MYRFL: variants seen among roughly 807,000 people sequenced by gnomAD.
The protein encoded by MYRFL is myelin regulatory factor-like protein.
In MYRFL, 88 loss-of-function variants were observed where a neutral mutation model predicts 109.4. That is an observed-to-expected ratio of 0.80 (90% CI 0.68 to 0.96). The LOEUF is 0.96. MYRFL is among the 40% of genes least tolerant of loss of function. MYRFL has a pLI of 0.00. For synonymous variants in MYRFL, 324 were observed against 320.9 expected (o/e 1.01, Z -0.10); for missense variants, 957 against 954.9 (o/e 1.00, Z -0.03).
intron 19 of MYRFL, among the ~76,000 whole-genome samples, chr12:69,942,813 A>C (rs1354849932): frequency 2.0e-5 from 3 of 151,866 alleles, no homozygotes; most frequent in Non-Finnish European, 2.9e-5. Context: ...AAATCTCCTT[A>C]AGCTGATAAG....
chr12:69,926,450 A>G (rs543234865), intron 13 of MYRFL, 121 bp from the exon 14 acceptor site: 1 of 736,782 alleles, frequency 1.4e-6, no homozygotes, highest in East Asian at 3.3e-5. Context: ...GAACTTGAAG[A>G]TGTGTGTGTC....
rs879378774 is a variant in MYRFL at position 69,861,954 on chromosome 12, G to T, written c.137+6584G>T. Among the ~76,000 whole-genome samples the T allele has an allele frequency of 7.8e-3, 1,178 of 151,144 alleles. 4 individuals carry two copies. The highest frequency in any genetic ancestry group is 0.012 in the Non-Finnish European group (816 of 67,320). ...GGTATAAGGAAGGGATCCAGTTTCA[G>T]CTTTCTACATATGGCTAGCCAGTTT... is the stretch of plus-strand genomic sequence containing the variant. On this transcript the variant is annotated intron_variant, in intron 2 of 24. Transcript: ENST00000552032.
intron 19 of MYRFL, among the ~76,000 whole-genome samples, chr12:69,944,697 A>G (rs1248414157): frequency 2.0e-5 from 3 of 152,094 alleles, no homozygotes; most frequent in African/African-American, 7.2e-5. Flanking sequence ...TAAAAGAAAA[A>G]AAAAGAAAAG....
At chr12:69,874,400 G>A (rs1345430081) in intron 2 of MYRFL, among the ~76,000 whole-genome samples, 1 of 152,112 alleles carries the variant, frequency 6.6e-6, no homozygotes, top group Non-Finnish European at 1.5e-5. Flanking sequence ...CTAGTCTTAA[G>A]CTCCTGGTCT....
chr12:69,849,679 G>C (rs951686617), intron 1 of MYRFL, among the ~76,000 whole-genome samples: 2 of 152,094 alleles, frequency 1.3e-5, no homozygotes, highest in African/African-American at 4.8e-5. Flanking sequence ...TTATTCCAGG[G>C]CTATTTGTCA....
intron 19 of MYRFL, among the ~76,000 whole-genome samples, chr12:69,942,608 C>T (rs1159483978): frequency 2.0e-5 from 3 of 149,142 alleles, no homozygotes; most frequent in Admixed American, 6.7e-5. Context: ...TGGAAGCATT[C>T]CCTTTGAAAA....
At chr12:69,875,004 A>G (rs1294899660) in intron 2 of MYRFL, among the ~76,000 whole-genome samples, 6 of 151,080 alleles carry the variant, frequency 4.0e-5, no homozygotes, top group African/African-American at 1.4e-4. Context: ...ATATACATTT[A>G]TATCTTTAAG....
At chr12:69,834,920 T>A (rs1468445339) in intron 1 of MYRFL, among the ~76,000 whole-genome samples, 1 of 152,206 alleles carries the variant, frequency 6.6e-6, no homozygotes, top group East Asian at 1.9e-4. Flanking sequence ...TTAATATATT[T>A]CCAAGATTTA....
intron 4 of MYRFL, among the ~76,000 whole-genome samples, chr12:69,879,995 T>C (rs1885962228): frequency 6.6e-6 from 1 of 152,224 alleles, no homozygotes; most frequent in Admixed American, 6.5e-5. Context: ...TCTGCCATTA[T>C]AAACATTGTC....
rs573249792 is a variant in MYRFL at position 69,928,381 on chromosome 12, A to G, written c.1830+633A>G. Among the ~76,000 whole-genome samples the G allele has an allele frequency of 2.6e-5, 4 of 152,366 alleles. No homozygotes were observed. The Middle Eastern group carries it at 0.014, about 518-fold the overall frequency. ...TTCTAGCAGCACTTTGTAAGTAGCT[A>G]CAAAACTCAGCTTGCTCCCTCTGAT... On this transcript the variant is annotated intron_variant, in intron 15 of 24. Coordinates refer to ENST00000552032, the MANE Select transcript of MYRFL (RefSeq NM_182530.3).
chr12:69,846,029 C>T (rs1037960830), intron 1 of MYRFL, among the ~76,000 whole-genome samples: 1 of 150,726 alleles, frequency 6.6e-6, no homozygotes, highest in Admixed American at 6.6e-5. Flanking sequence ...TGGCTCTCCT[C>T]TGCATTCAGC....
intron 21 of MYRFL, among the ~76,000 whole-genome samples, chr12:69,954,858 C>T (rs1956059441): frequency 6.6e-6 from 1 of 152,206 alleles, no homozygotes; most frequent in South Asian, 2.1e-4. Flanking sequence ...TTCTCCATTA[C>T]TAAATGGTAA....
Position 69,903,804 on chromosome 12 carries a change from T to G in MYRFL, c.1343T>G (p.Met448Arg). 2 of 1,535,132 alleles carry G rather than the reference T, an allele frequency of 1.3e-6. No individual in the cohort carries two copies. The highest frequency in any genetic ancestry group is 2.4e-5 in the East Asian group (1 of 40,878). The change falls in exon 11 of 25, where the codon ATG becomes AGG. Residue 448 changes from methionine (M) to arginine (R), a missense_variant. Transcript: ENST00000552032. ...AACATGAAAGTGATGGGGACCATCA[T>G]GCATCCCTCTGACAGCCGGGCAAAG... ...CGNMKVMGTI[M>R]HPSDSRAKQN...
chr12:69,890,453 C>T (rs1034152301), intron 6 of MYRFL, among the ~76,000 whole-genome samples: 8 of 152,110 alleles, frequency 5.3e-5, no homozygotes, highest in African/African-American at 1.9e-4. Flanking sequence ...TACTTCTGGC[C>T]GGGTGTGGTA....
intron 2 of MYRFL, among the ~76,000 whole-genome samples, chr12:69,869,770 G>A (rs1293984278): frequency 6.6e-6 from 1 of 152,176 alleles, no homozygotes; most frequent in Non-Finnish European, 1.5e-5. Flanking sequence ...AAGACACACT[G>A]TGTATGTGTC....
intron 14 of MYRFL, 119 bp downstream of exon 14, chr12:69,926,853 G>T (rs1419585970): frequency 2.8e-5 from 24 of 868,538 alleles, no homozygotes; most frequent in Non-Finnish European, 3.6e-5. Context: ...TTCTGATAAT[G>T]AAGTCTGCAT....
rs1955453711 is a variant in MYRFL at position 69,936,107 on chromosome 12, T to G, written c.1917-6T>G. The G allele has an allele frequency of 2.4e-5, 18 of 739,140 alleles. No individual in the cohort carries two copies. The highest frequency in any genetic ancestry group is 7.2e-5 in the Admixed American group (2 of 27,710). The allele number at this position is 739,140 out of a possible 1,614,324, so 45.8% of individuals were successfully genotyped here. On this transcript the variant is annotated splice_polypyrimidine_tract_variant and splice_region_variant and intron_variant, in intron 16 of 24. Coordinates refer to ENST00000552032, the MANE Select transcript of MYRFL (RefSeq NM_182530.3). ...TTTTTTTTTTTTTTTTTTTTTTTTT[T>G]GACAGTGCTTTGACGATAGTTGCCC... is the stretch of plus-strand genomic sequence containing the variant.
chr12:69,831,456 T>C (rs1297482988), intron 1 of MYRFL, among the ~76,000 whole-genome samples: 1 of 152,144 alleles, frequency 6.6e-6, no homozygotes, highest in Non-Finnish European at 1.5e-5. Context: ...ATGTGCTGAG[T>C]GCAGAATCAT....
intron 8 of MYRFL, among the ~76,000 whole-genome samples, chr12:69,894,742 G>A (rs1887118518): frequency 3.3e-5 from 5 of 152,232 alleles, no homozygotes; most frequent in Admixed American, 3.3e-4. Flanking sequence ...TTTCTGACTG[G>A]TTTGGCAGGG....
Sources: gnomAD v4.1 joint callset for allele counts (sites outside exome capture counted in the v4.1 genomes callset) on GRCh38, gnomAD v4.1.1 for gene constraint, MANE v1.5 for transcripts, NCBI Gene and HGNC (gene_info 2026-07-23, HGNC 2026-07-21) for gene names.